RIPOR3: variants seen among roughly 807,000 people sequenced by gnomAD.
RIPOR3 encodes RIPOR family member 3.
A neutral mutation model predicts 114.3 loss-of-function variants in RIPOR3; 95 were observed. The observed-to-expected ratio is 0.83, with a 90% confidence interval of 0.70 to 0.99. The LOEUF is 0.99. Among genes scored for constraint, RIPOR3 ranks in the 50% least tolerant of loss-of-function variants. The pLI is 0.00. For missense variants in RIPOR3, 1,252 were observed against 1,266.9 expected, an observed-to-expected ratio of 0.99 and a Z score of 0.18; for synonymous variants, 575 against 543.8, an observed-to-expected ratio of 1.06 and a Z score of -0.80.
intron 3 of RIPOR3, among the ~76,000 whole-genome samples, chr20:50,617,303 T>G (rs1376488070): frequency 5.3e-5 from 8 of 152,190 alleles, no homozygotes; most frequent in Non-Finnish European, 1.2e-4. Flanking sequence ...TGCTACTCAC[T>G]GAGGTATTGA....
Position 50,609,037 on chromosome 20 carries a change from C to A in RIPOR3, c.641-82G>T. 2.0e-6 allele frequency: 3 copies of A among 1,532,834 alleles called. No individual in the cohort carries two copies. The South Asian group carries it at 3.6e-5, about 18-fold the overall frequency. The allele number at this position is 1,532,834 out of a possible 1,614,324, so 95.0% of individuals were successfully genotyped here. A position where few individuals can be genotyped will look rare whatever the true frequency, so the allele number is the denominator to read the frequency against. ...CCACAGGTCCTCTCTGGGGTTCCCCCGAGTATAGATTTTCAGTTTCAGTGG... is the reference window on the plus strand; with the variant it reads ...CCACAGGTCCTCTCTGGGGTTCCCCAGAGTATAGATTTTCAGTTTCAGTGG... On this transcript the variant is annotated intron_variant, in intron 8 of 21. Transcript: ENST00000327979.
intron 1 of RIPOR3, among the ~76,000 whole-genome samples, chr20:50,675,872 G>A (rs2086662141): frequency 1.3e-5 from 2 of 152,228 alleles, no homozygotes; most frequent in African/African-American, 4.8e-5. Context: ...AAGTCGAACG[G>A]CAGACGGGGC....
intron 2 of RIPOR3, 40 bp downstream of exon 2, chr20:50,630,698 C>T (rs930058253): frequency 2.6e-6 from 4 of 1,526,104 alleles, no homozygotes; most frequent in African/African-American, 1.4e-5. Flanking sequence ...TTAACAAGCC[C>T]CACCCCTGCA....
rs2083140562 is a variant in RIPOR3, at chr20:50,592,461, A to C, written c.2460T>G (p.Pro820=). The change falls in exon 19 of 22, where the codon CCT becomes CCG. Residue 820 remains proline (P), a synonymous_variant. Transcript: ENST00000327979. ...LQGKRLGQLQ[P]LPQTLRAWAL... is the part of the protein sequence containing the mutation. Reference sequence around the variant, plus strand: ...CCCAGGCTCTTAAGGTCTGGGGCAGAGGCTGGAGCTGGCCCAGCCGCTTCC... The same window carrying C: ...CCCAGGCTCTTAAGGTCTGGGGCAGCGGCTGGAGCTGGCCCAGCCGCTTCC... 6.2e-7 allele frequency: 1 copy of C among 1,611,820 alleles called. No individual in the cohort carries two copies. The highest frequency in any genetic ancestry group is 1.3e-5 in the African/African-American group (1 of 74,892).
At chr20:50,632,140 G>A (rs956321855) in intron 1 of RIPOR3, among the ~76,000 whole-genome samples, 2 of 152,026 alleles carry the variant, frequency 1.3e-5, no homozygotes, top group Admixed American at 1.3e-4. Flanking sequence ...TGGCAGATCT[G>A]TGCAGCCTCC....
intron 1 of RIPOR3, among the ~76,000 whole-genome samples, chr20:50,672,714 A>G (rs2086559220): frequency 6.6e-6 from 1 of 152,168 alleles, no homozygotes; most frequent in Non-Finnish European, 1.5e-5. Flanking sequence ...AGGAGAATGG[A>G]CTTTCCACCT....
chr20:50,657,391 G>A (rs2085847506), intron 1 of RIPOR3, among the ~76,000 whole-genome samples: 1 of 152,188 alleles, frequency 6.6e-6, no homozygotes. Context: ...GCCAGGCCTG[G>A]TGGCATGTGC....
Position 50,608,537 on chromosome 20 carries a change from G to A in RIPOR3, c.811-3C>T. The A allele has an allele frequency of 4.3e-6, 7 of 1,613,704 alleles. No individual in the cohort carries two copies. Among genetic ancestry groups the A allele is most frequent in the Non-Finnish European group, 5.9e-6 (7 of 1,179,880 alleles). On this transcript the variant is annotated splice_polypyrimidine_tract_variant and splice_region_variant and intron_variant, in intron 10 of 21. Transcript: ENST00000327979. ...CCCAGGCCCCGCAACTCCGTCACCT[G>A]GGGGTGGGGGCTGGAGGGTGGTGTC...
At chr20:50,661,153 G>A (rs983700408) in intron 1 of RIPOR3, among the ~76,000 whole-genome samples, 5 of 151,910 alleles carry the variant, frequency 3.3e-5, no homozygotes, top group African/African-American at 9.7e-5. Context: ...CAGGAGAATC[G>A]CTTGAACGCG....
chr20:50,588,099 T>TA (rs979540302), intron 20 of RIPOR3, among the ~76,000 whole-genome samples: 1 of 152,214 alleles, frequency 6.6e-6, no homozygotes, highest in Non-Finnish European at 1.5e-5. Flanking sequence ...CTTCAGCCCT[T>TA]ACACCCGCTA....
chr20:50,666,183 A>ATTTCTTTTCTTTTCT (rs60151515), intron 1 of RIPOR3, among the ~76,000 whole-genome samples: 1,265 of 43,770 alleles, frequency 0.029, 310 homozygotes, highest in Admixed American at 0.049. Flanking sequence ...AAGGACACCC[A>ATTTCTTTTCTTTTCT]TTTCTTTTCT....
Position 50,597,627 on chromosome 20 carries a change from G to A in RIPOR3, c.1743C>T (p.Asp581=). The change falls in exon 14 of 22, where the codon GAC becomes GAT. Residue 581 remains aspartate (D), a synonymous_variant. Transcript: ENST00000327979. ...ACAGGGACAGCTCATCCAGGGCGAA[G>A]TCGGCATTGAGGAAGGCGAAGCTCT... The part of the protein sequence containing the change: ...ILESFAFLNA[D]FALDELSLFG... 1 of 1,612,118 alleles carries A rather than the reference G, an allele frequency of 6.2e-7. No individual in the cohort carries two copies. Among genetic ancestry groups the A allele is most frequent in the Non-Finnish European group, 8.5e-7 (1 of 1,179,084 alleles).
chr20:50,624,221 C>T (rs1229902042), intron 2 of RIPOR3, among the ~76,000 whole-genome samples: 1 of 152,238 alleles, frequency 6.6e-6, no homozygotes, highest in Admixed American at 6.5e-5. Flanking sequence ...CCTGAGGCCC[C>T]ATCACCCACC....
At chr20:50,606,252 C>T (rs1039256751) in intron 11 of RIPOR3, among the ~76,000 whole-genome samples, 13 of 152,182 alleles carry the variant, frequency 8.5e-5, no homozygotes, top group Non-Finnish European at 1.9e-4. Flanking sequence ...GCCCTGAGGG[C>T]CCTTAGCCAG....
Position 50,602,058 on chromosome 20 carries a change from C to A in RIPOR3, c.1659+14G>T. ...AGCAAAGCAGGGCCACCGCCCGGGG[C>A]GGGGTGGCCATACCTTCAGCCGGTC... On this transcript the variant is annotated intron_variant, in intron 13 of 21. Transcript: ENST00000327979. The surrounding 1 kb of genome is among the most constrained non-coding windows in gnomAD (Gnocchi z 4.3). 1 of 1,501,348 alleles carries A rather than the reference C, an allele frequency of 6.7e-7. No individual in the cohort carries two copies. Among genetic ancestry groups the A allele is most frequent in the Non-Finnish European group, 8.9e-7 (1 of 1,127,210 alleles). The allele number at this position is 1,501,348 out of a possible 1,614,324, so 93.0% of individuals were successfully genotyped here.
rs1335639754 is a variant in RIPOR3 at position 50,595,478 on chromosome 20, C to G, written c.1941G>C (p.Arg647Ser). Residue 647 changes from arginine (R) to serine (S), a missense_variant, in exon 16 of 22, where the codon AGG (arginine) becomes AGC (serine). Physicochemically the swap from Arg to Ser is moderately radical, Grantham distance 110. Coordinates refer to ENST00000327979, the MANE Select transcript of RIPOR3 (RefSeq NM_001290268.2). ...CTTCCAGGAGGCATTCCTGGACCAGCCTTGATAAATTAGGGGAGGCCAGTT... is the reference window on the plus strand; with the variant it reads ...CTTCCAGGAGGCATTCCTGGACCAGGCTTGATAAATTAGGGGAGGCCAGTT... ...LQKLASPNLS[R>S]LVQECLLEEV... 1.2e-6 allele frequency: 2 copies of G among 1,614,110 alleles called. No homozygotes were observed. Among genetic ancestry groups the G allele is most frequent in the South Asian group, 1.1e-5 (1 of 91,086 alleles).
At chr20:50,595,637 A>G in intron 15 of RIPOR3, 133 bp from the exon 16 acceptor site, 2 of 1,295,588 alleles carry the variant, frequency 1.5e-6, no homozygotes, top group South Asian at 1.4e-5. Flanking sequence ...TCATTTGGGG[A>G]TTCCCCTTTC....
In RIPOR3 at chr20:50,604,733, G is replaced by A. The variant is rs200321231; in HGVS notation, c.998C>T (p.Thr333Met). 3.7e-5 allele frequency: 59 copies of A among 1,608,488 alleles called. No individual in the cohort carries two copies. The East Asian group carries it at 9.5e-4, about 26-fold the overall frequency. ...CCTGCTGCCCATAGAAAACTTGCCC[G>A]TGGGGCTGGGTGACACCAGGAAGCT... is the stretch of plus-strand genomic sequence containing the variant. The part of the protein sequence containing the change: ...TESFLVSPSP[T>M]GKFSMGSRKG... Residue 333 changes from threonine (T) to methionine (M), a missense_variant, in exon 12 of 22, where the codon ACG becomes ATG. Transcript: ENST00000327979.
At chr20:50,636,575 C>T (rs2084994251) in intron 1 of RIPOR3, 27 of 985,554 alleles carry the variant, frequency 2.7e-5, no homozygotes, top group Non-Finnish European at 3.3e-5. Context: ...CATGCAGTTC[C>T]CAAACCTTTG....
Sources: gnomAD v4.1 joint callset for allele counts (sites outside exome capture counted in the v4.1 genomes callset) on GRCh38, gnomAD v4.1.1 for gene constraint, Gnocchi (gnomAD v3.1) non-coding constraint, MANE v1.5 for transcripts, NCBI Gene and HGNC (gene_info 2026-07-23, HGNC 2026-07-21) for gene names.